The following RAD51B variants were observed in gnomAD, a reference collection of about 807,000 sequenced individuals.
The protein encoded by RAD51B is RAD51 paralog B, also known as DNA repair protein RAD51 homolog 2.
RAD51B carries 38 observed loss-of-function variants against 42.2 expected under a neutral mutation model. That is an observed-to-expected ratio of 0.90 (90% CI 0.70 to 1.18). The LOEUF (loss-of-function observed/expected upper bound fraction) is 1.18, where lower values mean the gene tolerates loss of function less well. RAD51B is among the 50% of genes most tolerant of loss of function. RAD51B has a pLI of 0.00. For missense variants in RAD51B, 373 were observed against 400.7 expected (o/e 0.93, Z 0.59); for synonymous variants, 154 against 145.2 (o/e 1.06, Z -0.43).
chr14:68,361,649 C>T (rs186261777), intron 8 of RAD51B, among the ~76,000 whole-genome samples: 1 of 152,150 alleles, frequency 6.6e-6, no homozygotes, highest in East Asian at 1.9e-4. Flanking sequence ...TTCCCTTGAC[C>T]TGGTCCTTGT....
chr14:68,017,432 G>C (rs958985336), intron 7 of RAD51B, among the ~76,000 whole-genome samples: 2 of 152,016 alleles, frequency 1.3e-5, no homozygotes, highest in African/African-American at 4.8e-5. Context: ...CGGAGCTCAG[G>C]CAGCCTGCCC....
chr14:68,409,449 G>A (rs1377081904), intron 8 of RAD51B, among the ~76,000 whole-genome samples: 1 of 152,138 alleles, frequency 6.6e-6, no homozygotes, highest in Non-Finnish European at 1.5e-5. Context: ...TCTGGTATTA[G>A]ACAAGAAAAA....
chr14:68,224,563 A>G (rs77832194), intron 7 of RAD51B, among the ~76,000 whole-genome samples: 5 of 152,186 alleles, frequency 3.3e-5, no homozygotes, highest in Non-Finnish European at 7.3e-5. Context: ...TTCTCTAGTA[A>G]GTACTGTATG....
intron 11 of RAD51B, among the ~76,000 whole-genome samples, chr14:68,680,311 T>A (rs1005860466): frequency 6.6e-6 from 1 of 152,218 alleles, no homozygotes; most frequent in Non-Finnish European, 1.5e-5. Flanking sequence ...GACTGTGGAA[T>A]TGGGAAGAGA....
intron 4 of RAD51B, among the ~76,000 whole-genome samples, chr14:67,861,923 GAAA>G (rs796562450): frequency 6.7e-6 from 1 of 150,114 alleles, no homozygotes; most frequent in South Asian, 2.1e-4. Context: ...AAAATACTTG[GAAA>G]AATATTTTGT....
At chr14:68,298,245 G>A (rs2081651405) in intron 8 of RAD51B, among the ~76,000 whole-genome samples, 1 of 152,204 alleles carries the variant, frequency 6.6e-6, no homozygotes, top group Admixed American at 6.5e-5. Flanking sequence ...TGTCAGAAAA[G>A]CTGTAAATCC....
intron 7 of RAD51B, among the ~76,000 whole-genome samples, chr14:67,952,019 T>C (rs950891001): frequency 8.8e-5 from 13 of 147,202 alleles, no homozygotes; most frequent in Admixed American, 4.7e-4. Flanking sequence ...GTGGGACAAA[T>C]GAAGACCAGA....
intron 7 of RAD51B, among the ~76,000 whole-genome samples, chr14:68,121,241 T>C (rs1345296757): frequency 6.6e-6 from 1 of 152,204 alleles, no homozygotes; most frequent in Non-Finnish European, 1.5e-5. Flanking sequence ...CTAATCATCA[T>C]AAAAGCTTTG....
At chr14:68,420,747 A>G (rs2084678204) in intron 9 of RAD51B, among the ~76,000 whole-genome samples, 1 of 152,194 alleles carries the variant, frequency 6.6e-6, no homozygotes, top group South Asian at 2.1e-4. Context: ...TGTGACCTGT[A>G]TCTTTTCTGA....
chr14:68,133,379 C>G lies in RAD51B; in HGVS notation c.757-158505C>G, dbSNP rs544171663. On this transcript the variant is annotated intron_variant, in intron 7 of 10. Coordinates refer to ENST00000471583, the MANE Select transcript of RAD51B (RefSeq NM_133510.4). ...TGTTTTATTTTCTAAAAATGAATGT[C>G]TGGTAGAAGAGAAGTCATGTATGCT... Among the ~76,000 whole-genome samples, 263 of 152,318 alleles carry G rather than the reference C, an allele frequency of 1.7e-3. 5 individuals are homozygous for G. Among genetic ancestry groups the G allele is most frequent in the Middle Eastern group, 0.01 (3 of 294 alleles).
chr14:68,162,089 G>T (rs2078651767), intron 7 of RAD51B, among the ~76,000 whole-genome samples: 1 of 152,088 alleles, frequency 6.6e-6, no homozygotes, highest in African/African-American at 2.4e-5. Context: ...TCAATTTCTC[G>T]GCTGTTACTA....
exon 11 of RAD51B, chr14:68,611,431 CCCTTGA>C (rs962448261): frequency 2.0e-5 from 12 of 594,842 alleles, no homozygotes; most frequent in Admixed American, 2.8e-5. Flanking sequence ...ACTCCTACAA[CCCTTGA>C]TCCCCACGTG....
intron 7 of RAD51B, among the ~76,000 whole-genome samples, chr14:67,990,423 T>G (rs1430861938): frequency 6.6e-6 from 1 of 152,218 alleles, no homozygotes; most frequent in African/African-American, 2.4e-5. Context: ...TTTCATGTGT[T>G]TTTATCCTGA....
At chr14:68,341,214 A>G (rs748917915) in intron 8 of RAD51B, among the ~76,000 whole-genome samples, 1 of 152,368 alleles carries the variant, frequency 6.6e-6, no homozygotes, top group East Asian at 1.9e-4. Context: ...AATAAAATAC[A>G]TCATAGAAAT....
intron 7 of RAD51B, among the ~76,000 whole-genome samples, chr14:68,064,692 G>A (rs1029117540): frequency 1.3e-5 from 2 of 151,476 alleles, no homozygotes; most frequent in African/African-American, 4.9e-5. Context: ...TTTTGTCTGA[G>A]TTATTTCAAA....
At chr14:68,016,694 G>A (rs1038478577) in intron 7 of RAD51B, among the ~76,000 whole-genome samples, 1 of 152,072 alleles carries the variant, frequency 6.6e-6, no homozygotes, top group African/African-American at 2.4e-5. Context: ...TGTAACTTTT[G>A]CTAGTAATTT....
chr14:68,659,204 A>C (rs991379813), intron 11 of RAD51B, among the ~76,000 whole-genome samples: 4 of 152,166 alleles, frequency 2.6e-5, no homozygotes, highest in African/African-American at 7.2e-5. Flanking sequence ...CAGGAAAAAC[A>C]ATCTCCCCTG....
intron 8 of RAD51B, among the ~76,000 whole-genome samples, chr14:68,299,116 A>G (rs1163193882): frequency 2.6e-5 from 4 of 151,882 alleles, no homozygotes; most frequent in Non-Finnish European, 4.4e-5. Context: ...AGTCGAAGAT[A>G]TGGAGTGGTT....
chr14:68,250,966 T>C (rs1260140510), intron 7 of RAD51B, among the ~76,000 whole-genome samples: 1 of 152,218 alleles, frequency 6.6e-6, no homozygotes, highest in African/African-American at 2.4e-5. Flanking sequence ...AAGCAACTTA[T>C]GTCCTTCAGT....
Sources: allele counts gnomAD v4.1 joint callset (sites outside exome capture counted in the v4.1 genomes callset), GRCh38; gene constraint gnomAD v4.1.1; transcripts MANE v1.5; gene names NCBI Gene and HGNC (gene_info 2026-07-23, HGNC 2026-07-21).